Variants in SUN1 observed in about 807,000 individuals in gnomAD.
The protein encoded by SUN1 is SUN domain-containing protein 1.
SUN1 carries 61 observed loss-of-function variants against 103.2 expected under a neutral mutation model. That is an observed-to-expected ratio of 0.59 (90% CI 0.48 to 0.73). The LOEUF (loss-of-function observed/expected upper bound fraction) is 0.73. Among genes scored for constraint, SUN1 ranks in the 30% least tolerant of loss-of-function variants. The probability of loss-of-function intolerance (pLI) is 0.00; values close to 1 mark genes in which losing one functional copy is unlikely to be tolerated. For synonymous variants in SUN1, 490 were observed against 425.7 expected, an observed-to-expected ratio of 1.15 and a Z score of -1.86; for missense variants, 1,052 against 1,034.6, an observed-to-expected ratio of 1.02 and a Z score of -0.23.
intron 17 of SUN1, among the ~76,000 whole-genome samples, chr7:871,154 G>C (rs56964970): frequency 0.15 from 23,370 of 152,008 alleles, 1,979 homozygotes; most frequent in African/African-American, 0.17. Flanking sequence ...CTGCTAACTT[G>C]ATAGGTGAAA....
intron 12 of SUN1, among the ~76,000 whole-genome samples, chr7:856,997 C>A (rs1008022781): frequency 1.3e-5 from 2 of 152,200 alleles, no homozygotes; most frequent in African/African-American, 4.8e-5. Flanking sequence ...GGGAAGCTGG[C>A]ATTTTGCTCC....
intron 1 of SUN1, among the ~76,000 whole-genome samples, chr7:836,315 A>AG (rs1778107545): frequency 6.6e-6 from 1 of 152,220 alleles, no homozygotes; most frequent in Admixed American, 6.5e-5. Context: ...CGCAGCAGGC[A>AG]GGAAGGGTGT....
intron 5 of SUN1, among the ~76,000 whole-genome samples, chr7:846,298 G>A (rs1040020617): frequency 6.6e-6 from 1 of 152,010 alleles, no homozygotes; most frequent in Non-Finnish European, 1.5e-5. Context: ...TCGTAGAGAC[G>A]GGGTTCCACC....
intron 3 of SUN1, 177 bp from the exon 4 acceptor site, chr7:843,029 G>C: frequency 1.2e-6 from 1 of 866,480 alleles, no homozygotes; most frequent in South Asian, 1.6e-5. Flanking sequence ...TTCACCTTCA[G>C]TCAGAAGATG....
At chr7:825,359 G>A (rs1011296191) in intron 1 of SUN1, among the ~76,000 whole-genome samples, 1 of 152,182 alleles carries the variant, frequency 6.6e-6, no homozygotes, top group African/African-American at 2.4e-5. Flanking sequence ...ACCGCACTTG[G>A]CCTATTATGT....
chr7:866,252 A>G (rs1288346944), intron 16 of SUN1, among the ~76,000 whole-genome samples, 185 bp downstream of exon 16: 1 of 152,136 alleles, frequency 6.6e-6, no homozygotes, highest in East Asian at 1.9e-4. Flanking sequence ...CCTCCACGCT[A>G]CACATCTGTT....
chr7:852,984 C>G (rs1258963091), intron 9 of SUN1, 32 bp downstream of exon 9: 1 of 1,597,266 alleles, frequency 6.3e-7, no homozygotes, highest in East Asian at 2.2e-5. Flanking sequence ...TCAGCTGGCA[C>G]TGCACATGTG....
At chr7:851,870 G>T in intron 6 of SUN1, 80 bp from the exon 7 acceptor site, 1 of 1,431,746 alleles carries the variant, frequency 7.0e-7, no homozygotes, top group Non-Finnish European at 9.8e-7. Context: ...TTCTAGCTTG[G>T]CCTTCACAGA....
intron 11 of SUN1, 31 bp from the exon 12 acceptor site, chr7:856,327 G>C (rs1378566489): frequency 1.2e-6 from 2 of 1,608,632 alleles, no homozygotes; most frequent in Non-Finnish European, 8.5e-7. Context: ...TAACTTATGT[G>C]TTTCAGTAGA....
At chr7:815,889 CAA>C (rs1310686046), upstream of SUN1, 1 of 228,000 alleles carries the variant, frequency 4.4e-6, no homozygotes, top group African/African-American at 2.4e-5. Flanking sequence ...CGGCGGCCAG[CAA>C]TGGGAGACGT....
chr7:817,703 C>T (rs1782130684), intron 1 of SUN1, among the ~76,000 whole-genome samples: 1 of 152,200 alleles, frequency 6.6e-6, no homozygotes, highest in African/African-American at 2.4e-5. Context: ...CCTACATCTC[C>T]ACTGTGGAGA....
intron 1 of SUN1, among the ~76,000 whole-genome samples, chr7:824,162 A>G (rs947038459): frequency 1.3e-5 from 2 of 152,226 alleles, no homozygotes; most frequent in African/African-American, 2.4e-5. Context: ...CCTTATGTGT[A>G]TGTGGTCCAG....
intron 1 of SUN1, among the ~76,000 whole-genome samples, chr7:825,659 A>G (rs1341232937): frequency 1.3e-5 from 2 of 152,236 alleles, no homozygotes; most frequent in African/African-American, 4.8e-5. Flanking sequence ...TCCGGTTTTC[A>G]TAAACCAACA....
In SUN1 at chr7:841,959, C is replaced by T. The variant is rs1335185963; in HGVS notation, c.280C>T (p.Arg94Cys). The T allele has an allele frequency of 1.9e-6, 3 of 1,613,986 alleles. No individual in the cohort carries two copies. Among genetic ancestry groups the T allele is most frequent in the South Asian group, 2.2e-5 (2 of 91,080 alleles). Residue 94 changes from arginine (R) to cysteine (C), a missense_variant, in exon 3 of 19, where the codon CGC (arginine) becomes TGC (cysteine). By Grantham distance (180) the Arg-to-Cys change is radical. Coordinates refer to ENST00000401592, the MANE Select transcript of SUN1 (RefSeq NM_001130965.3). ...KNRAARTTKQ[R>C]RSTNKSAFSI... ...TTTTCTTCTTAGAACAACAAAACAG[C>T]GCAGAAGCACAAACAAATCAGCTTT...
chr7:867,946 C>T (rs984215416), intron 16 of SUN1, among the ~76,000 whole-genome samples: 3 of 152,168 alleles, frequency 2.0e-5, no homozygotes, highest in Admixed American at 2.0e-4. Context: ...AAGAGGGGTA[C>T]CAGGGAACCT....
intron 1 of SUN1, among the ~76,000 whole-genome samples, chr7:824,319 A>G (rs140457512): frequency 8.7e-4 from 132 of 152,364 alleles, no homozygotes; most frequent in African/African-American, 3.1e-3. Flanking sequence ...CGGGCTCTGC[A>G]GGAGGAGGAT....
intron 6 of SUN1, 149 bp downstream of exon 6, chr7:851,631 C>T: frequency 1.3e-6 from 1 of 750,220 alleles, no homozygotes; most frequent in Non-Finnish European, 2.2e-6. Flanking sequence ...TATGACGTAG[C>T]AATGTTAACT....
chr7:847,545 C>G (rs1351904925), intron 5 of SUN1, among the ~76,000 whole-genome samples: 6 of 56,356 alleles, frequency 1.1e-4, no homozygotes, highest in East Asian at 6.5e-4. Context: ...ACCCCGCAGT[C>G]CAGTCTCCGG....
At chr7:856,705 C>G (rs1208937903) in intron 12 of SUN1, among the ~76,000 whole-genome samples, 1 of 152,208 alleles carries the variant, frequency 6.6e-6, no homozygotes, top group Non-Finnish European at 1.5e-5. Flanking sequence ...GGGCCAACCT[C>G]AGGGAGTAGG....
Sources: allele counts gnomAD v4.1 joint callset (sites outside exome capture counted in the v4.1 genomes callset), GRCh38; gene constraint gnomAD v4.1.1; transcripts MANE v1.5; gene names NCBI Gene and HGNC (gene_info 2026-07-23, HGNC 2026-07-21).